CTNNA3: variants seen among roughly 807,000 people sequenced by gnomAD.
CTNNA3 encodes catenin alpha 3, also known as catenin alpha-3.
CTNNA3 carries 76 observed loss-of-function variants against 95.7 expected under a neutral mutation model. The ratio of observed to expected loss-of-function variants is 0.79; its 90% CI spans 0.66 to 0.96. CTNNA3 has a LOEUF of 0.96. Among genes scored for constraint, CTNNA3 ranks in the 40% least tolerant of loss-of-function variants. The probability of loss-of-function intolerance (pLI) is 0.00; values close to 1 mark genes in which losing one functional copy is unlikely to be tolerated. For synonymous variants in CTNNA3, 431 were observed against 374.4 expected, an observed-to-expected ratio of 1.15 and a Z score of -1.74; for missense variants, 1,191 against 1,089.8, an observed-to-expected ratio of 1.09 and a Z score of -1.31.
chr10:66,661,531 A>G (rs1235598500), intron 9 of CTNNA3, among the ~76,000 whole-genome samples: 1 of 152,160 alleles, frequency 6.6e-6, no homozygotes, highest in Non-Finnish European at 1.5e-5. Context: ...TAAAACATTT[A>G]TATTAGTTAA....
intron 13 of CTNNA3, among the ~76,000 whole-genome samples, chr10:66,156,255 C>A (rs1371226384): frequency 2.6e-5 from 4 of 151,742 alleles, no homozygotes; most frequent in Non-Finnish European, 5.9e-5. Context: ...TTGCAACCGA[C>A]TAAAGAAAGG....
chr10:67,523,306 C>T (rs893254131), intron 4 of CTNNA3, among the ~76,000 whole-genome samples: 2 of 152,190 alleles, frequency 1.3e-5, no homozygotes, highest in African/African-American at 4.8e-5. Flanking sequence ...AGAAACTAGA[C>T]ATGAAATTCG....
At chr10:67,725,926 T>TAATTATAA (rs1451921812) in intron 1 of CTNNA3, among the ~76,000 whole-genome samples, 1 of 140,178 alleles carries the variant, frequency 7.1e-6, no homozygotes, top group African/African-American at 2.7e-5. Context: ...ACATAATATA[T>TAATTATAA]AATTATATAA....
intron 5 of CTNNA3, among the ~76,000 whole-genome samples, chr10:67,252,910 C>A (rs148628895): frequency 1.3e-5 from 2 of 152,174 alleles, no homozygotes; most frequent in Non-Finnish European, 2.9e-5. Flanking sequence ...GTAAAGTTTG[C>A]AGTTTGAGGT....
chr10:67,625,153 A>G (rs1423621967), intron 2 of CTNNA3, among the ~76,000 whole-genome samples: 2 of 152,196 alleles, frequency 1.3e-5, no homozygotes, highest in African/African-American at 4.8e-5. Flanking sequence ...ACTCTGTTCC[A>G]AATGTGCCAA....
Position 67,647,417 on chromosome 10 carries a change from G to A in CTNNA3, c.97C>T (p.Gln33Ter). Reference protein sequence around the residue: ...VEKLLEPLIIQVTTLVNCPQN... With the variant: ...VEKLLEPLII The stretch of plus-strand genomic sequence containing the variant: ...CATAATTTCCATGGTATTAATACCT[G>A]GATTATGAGAGGCTCCAGTAGCTTC... Residue 33 changes from glutamine to a stop codon, truncating the protein, a stop_gained and splice_region_variant, in exon 2 of 18, where the codon CAG (glutamine) becomes TAG (stop). Transcript: ENST00000433211. LOFTEE classifies it high-confidence loss of function. 1 of 1,608,976 alleles carries A rather than the reference G, an allele frequency of 6.2e-7. No homozygotes were observed. Among genetic ancestry groups the A allele is most frequent in the South Asian group, 1.1e-5 (1 of 90,808 alleles).
chr10:67,030,402 C>T (rs539545935), intron 7 of CTNNA3, among the ~76,000 whole-genome samples: 3 of 152,092 alleles, frequency 2.0e-5, no homozygotes, highest in African/African-American at 7.2e-5. Context: ...AATAGCTCAC[C>T]AGTTAAAAAT....
chr10:65,983,981 A>G (rs1337951419), intron 16 of CTNNA3, among the ~76,000 whole-genome samples: 1 of 151,382 alleles, frequency 6.6e-6, no homozygotes, highest in Non-Finnish European at 1.5e-5. Context: ...CTGAAACTTT[A>G]CAGAATGTAA....
chr10:66,808,156 A>G (rs1368400653), intron 7 of CTNNA3, among the ~76,000 whole-genome samples: 2 of 152,138 alleles, frequency 1.3e-5, no homozygotes, highest in Non-Finnish European at 2.9e-5. Context: ...TTTATTGGAC[A>G]GTAAGTTCAA....
intron 7 of CTNNA3, chr10:66,926,213 C>T (rs2132618579): frequency 2.2e-6 from 1 of 452,238 alleles, no homozygotes; most frequent in South Asian, 1.7e-5. Context: ...CCCAAATTGC[C>T]TGGAAGAATA....
intron 3 of CTNNA3, among the ~76,000 whole-genome samples, chr10:67,574,577 CTTTT>C (rs11288654): frequency 8.6e-6 from 1 of 116,234 alleles, no homozygotes; most frequent in African/African-American, 3.8e-5. Flanking sequence ...AGGTTGTTAA[CTTTT>C]TTTTTTTTTT....
chr10:67,147,543 C>T (rs1295845612), intron 7 of CTNNA3, among the ~76,000 whole-genome samples: 1 of 152,100 alleles, frequency 6.6e-6, no homozygotes, highest in East Asian at 1.9e-4. Flanking sequence ...CTAGATCTAA[C>T]AGTAATTGAT....
chr10:66,773,497 G>C (rs926362054), intron 8 of CTNNA3, among the ~76,000 whole-genome samples: 1 of 152,144 alleles, frequency 6.6e-6, no homozygotes, highest in African/African-American at 2.4e-5. Flanking sequence ...TCGAGAGAGG[G>C]AACAGGAAGA....
chr10:66,667,867 G>T (rs143262883), intron 9 of CTNNA3, among the ~76,000 whole-genome samples: 2 of 151,938 alleles, frequency 1.3e-5, no homozygotes, highest in Admixed American at 6.6e-5. Flanking sequence ...GTTTTCATGG[G>T]CATATGCCTT....
At chr10:66,015,062 C>T (rs981541729) in intron 15 of CTNNA3, among the ~76,000 whole-genome samples, 17 of 151,946 alleles carry the variant, frequency 1.1e-4, no homozygotes, top group South Asian at 6.2e-4. Context: ...GAGATCACAC[C>T]ACTGCACTTC....
intron 11 of CTNNA3, among the ~76,000 whole-genome samples, chr10:66,418,678 C>T (rs1430068847): frequency 2.0e-5 from 3 of 149,978 alleles, no homozygotes; most frequent in South Asian, 4.3e-4. Context: ...AAAAATAATA[C>T]CCAATGATCA....
At chr10:67,567,248 A>G (rs1232375831) in intron 3 of CTNNA3, among the ~76,000 whole-genome samples, 1 of 141,384 alleles carries the variant, frequency 7.1e-6, no homozygotes, top group African/African-American at 3.0e-5. Flanking sequence ...AAGAAATGAG[A>G]AAATGGCAAA....
chr10:67,674,296 A>T (rs149220288), intron 1 of CTNNA3, among the ~76,000 whole-genome samples: 30 of 152,198 alleles, frequency 2.0e-4, no homozygotes, highest in African/African-American at 7.0e-4. Flanking sequence ...TAGAGGGGCA[A>T]CCATGTGAGA....
intron 1 of CTNNA3, chr10:67,751,329 A>G (rs1484026727): frequency 4.0e-6 from 3 of 758,778 alleles, no homozygotes; most frequent in Non-Finnish European, 6.9e-6. Flanking sequence ...CTTATCTGAG[A>G]TCACAGTGAC....
Sources: allele counts gnomAD v4.1 joint callset (sites outside exome capture counted in the v4.1 genomes callset), GRCh38; gene constraint gnomAD v4.1.1; transcripts MANE v1.5; gene names NCBI Gene and HGNC (gene_info 2026-07-23, HGNC 2026-07-21).